Variants in TMC7 observed in about 807,000 individuals in gnomAD.
TMC7 encodes transmembrane channel-like protein 7.
A neutral mutation model predicts 82.9 loss-of-function variants in TMC7; 54 were observed. The ratio of observed to expected loss-of-function variants is 0.65; its 90% CI spans 0.52 to 0.82. The LOEUF is 0.82. TMC7 is among the 40% of genes least tolerant of loss of function. The pLI, the probability that TMC7 is intolerant of heterozygous loss-of-function variation, is 0.00. For synonymous variants in TMC7, 350 were observed against 337.9 expected (o/e 1.04, Z -0.39); for missense variants, 820 against 901.2 (o/e 0.91, Z 1.15).
Position 19,037,472 on chromosome 16 carries a change from C to CTTT in TMC7, c.1006-390_1006-388dup, listed in dbSNP as rs57300199. 7.3e-3 allele frequency among the ~76,000 whole-genome samples: 948 copies of CTTT among 130,252 alleles called. 11 individuals carry two copies. The highest frequency in any genetic ancestry group is 0.018 in the African/African-American group (642 of 36,044). The allele number at this position is 130,252 out of a possible 152,430, so 85.5% of individuals were successfully genotyped here. A position where few individuals can be genotyped will look rare whatever the true frequency, so the allele number is the denominator to read the frequency against. ...GGGGAGATGAATATTTAAAAGATGTCTTTTTTTTTTTTTTCTGAGATAGCA... is the reference window on the plus strand; with the variant it reads ...GGGGAGATGAATATTTAAAAGATGTCTTTTTTTTTTTTTTTTTCTGAGATAGCA... On this transcript the variant is annotated intron_variant, in intron 7 of 15. Transcript: ENST00000304381.
intron 4 of TMC7, 25 bp downstream of exon 4, chr16:19,021,821 C>A (rs146971073): frequency 4.4e-6 from 7 of 1,608,286 alleles, no homozygotes; most frequent in South Asian, 3.3e-5. Flanking sequence ...TGGTTTACTA[C>A]GAAGTGTGTT....
In TMC7 at chr16:19,009,312, A is replaced by G. The variant is rs151053735; in HGVS notation, c.208A>G (p.Thr70Ala). ...DKQSGTLLKPTDSYSSQLEDR... is the reference protein window; with the variant it reads ...DKQSGTLLKPADSYSSQLEDR... ...GCAAAGCGGAACTTTGCTAAAGCCA[A>G]CCGACTCTTACAGCTCCCAGCTGGA... Residue 70 changes from threonine (T) to alanine (A), a missense_variant, in exon 2 of 16, where the codon ACC becomes GCC. By Grantham distance (58) the Thr-to-Ala change is moderately conservative. Transcript: ENST00000304381. 2.8e-3 allele frequency: 4,522 copies of G among 1,614,208 alleles called. 6 individuals carry two copies. The highest frequency in any genetic ancestry group is 5.6e-3 in the Admixed American group (338 of 60,008).
intron 2 of TMC7, among the ~76,000 whole-genome samples, chr16:19,014,564 G>C (rs1202342272): frequency 2.0e-5 from 3 of 152,312 alleles, no homozygotes; most frequent in South Asian, 4.1e-4. Flanking sequence ...TGGATGGCTG[G>C]CAAATTCCTC....
intron 1 of TMC7, among the ~76,000 whole-genome samples, chr16:18,988,435 G>T (rs908021810): frequency 6.6e-6 from 1 of 151,612 alleles, no homozygotes; most frequent in Non-Finnish European, 1.5e-5. Context: ...GACTACAGGC[G>T]CATGCAACCA....
intron 1 of TMC7, among the ~76,000 whole-genome samples, chr16:19,001,118 T>G (rs969476073): frequency 6.6e-6 from 1 of 152,218 alleles, no homozygotes; most frequent in Non-Finnish European, 1.5e-5. Context: ...CTAAAATCTT[T>G]TACTCATTTT....
chr16:19,016,189 C>T (rs1400298777), intron 2 of TMC7, among the ~76,000 whole-genome samples: 2 of 151,990 alleles, frequency 1.3e-5, no homozygotes, highest in African/African-American at 2.4e-5. Context: ...CTCCGCCTCC[C>T]AGAGGTTCTT....
At chr16:19,054,376 C>T (rs1961672395) in intron 13 of TMC7, among the ~76,000 whole-genome samples, 1 of 152,080 alleles carries the variant, frequency 6.6e-6, no homozygotes, top group African/African-American at 2.4e-5. Context: ...ATGATCTTCC[C>T]CCCCAACCAC....
At chr16:19,044,575 G>A (rs964244290) in intron 9 of TMC7, among the ~76,000 whole-genome samples, 1 of 151,824 alleles carries the variant, frequency 6.6e-6, no homozygotes, top group Non-Finnish European at 1.5e-5. Flanking sequence ...CAAGACAGGC[G>A]GATTGCTTGG....
intron 9 of TMC7, among the ~76,000 whole-genome samples, chr16:19,043,959 C>T (rs1961141120): frequency 6.7e-6 from 1 of 149,718 alleles, no homozygotes; most frequent in Admixed American, 6.7e-5. Context: ...AACCTCTGTG[C>T]CCCAGATTCA....
intron 4 of TMC7, among the ~76,000 whole-genome samples, chr16:19,022,297 C>G (rs896112900): frequency 6.6e-6 from 1 of 152,170 alleles, no homozygotes; most frequent in African/African-American, 2.4e-5. Flanking sequence ...ATCACAAATA[C>G]ACAAACATAT....
chr16:19,062,010 A>G lies in TMC7; in HGVS notation c.*167A>G. On this transcript the variant is annotated 3_prime_UTR_variant, in exon 16 of 16. Transcript: ENST00000304381. ...CTGTGTTTACCTAACCCAGCCCTTA[A>G]TTAGGGCTTCAGTGACTTAGAAAAG... 1 of 460,592 alleles carries G rather than the reference A, an allele frequency of 2.2e-6. No individual in the cohort carries two copies. Among genetic ancestry groups the G allele is most frequent in the East Asian group, 3.4e-5 (1 of 29,180 alleles). 28.5% of individuals were successfully genotyped at this position (460,592 alleles called of 1,614,324 possible). A position where few individuals can be genotyped will look rare whatever the true frequency, so the allele number is the denominator to read the frequency against.
At chr16:19,002,687 C>T (rs917961512) in intron 1 of TMC7, among the ~76,000 whole-genome samples, 4 of 152,218 alleles carry the variant, frequency 2.6e-5, no homozygotes, top group African/African-American at 9.6e-5. Context: ...ATCCTCCTAC[C>T]TAAGTAATAA....
At chr16:19,051,535 A>C in intron 12 of TMC7, 151 bp from the exon 13 acceptor site, 1 of 856,590 alleles carries the variant, frequency 1.2e-6, no homozygotes. Flanking sequence ...AGTTTGGATG[A>C]AACCTTTTTC....
intron 9 of TMC7, among the ~76,000 whole-genome samples, chr16:19,041,859 C>T (rs981812297): frequency 2.0e-5 from 3 of 152,116 alleles, no homozygotes; most frequent in African/African-American, 7.2e-5. Context: ...TTATTATTTT[C>T]AGAGTTTCCC....
At chr16:18,999,610 G>C (rs1278806002) in intron 1 of TMC7, among the ~76,000 whole-genome samples, 1 of 152,230 alleles carries the variant, frequency 6.6e-6, no homozygotes, top group Non-Finnish European at 1.5e-5. Flanking sequence ...ATGTTTCTGA[G>C]TGACTGACTG....
intron 1 of TMC7, among the ~76,000 whole-genome samples, chr16:18,989,801 G>C (rs2038916194): frequency 6.6e-6 from 1 of 151,874 alleles, no homozygotes; most frequent in Non-Finnish European, 1.5e-5. Context: ...TGGTCCAGAG[G>C]CCTCTCGGGG....
intron 1 of TMC7, among the ~76,000 whole-genome samples, chr16:19,005,043 G>A (rs1304652430): frequency 6.7e-6 from 1 of 150,338 alleles, no homozygotes; most frequent in Admixed American, 6.7e-5. Context: ...GACGATGCAT[G>A]TTAAATACTT....
chr16:18,983,957 G>C lies in TMC7; in HGVS notation c.-107G>C, dbSNP rs1395680730. On this transcript the variant is annotated 5_prime_UTR_variant, in exon 1 of 16. Coordinates refer to ENST00000304381, the MANE Select transcript of TMC7 (RefSeq NM_024847.4). ...CCACTCCGGCTTCTGTGATGTCAGC[G>C]CCGGAACCTGGAATCCCGGCTCCGC... The C allele has an allele frequency of 1.4e-5, 17 of 1,225,634 alleles. No individual in the cohort carries two copies. The highest frequency in any genetic ancestry group is 1.8e-5 in the Non-Finnish European group (17 of 950,862). 75.9% of individuals were successfully genotyped at this position (1,225,634 alleles called of 1,614,324 possible). A position where few individuals can be genotyped will look rare whatever the true frequency, so the allele number is the denominator to read the frequency against.
At position 19,003,405 on chromosome 16, in the gene TMC7, TG is replaced by T. The variant is rs1380356722; in HGVS notation, c.68-5759del. 5.7e-3 allele frequency among the ~76,000 whole-genome samples: 790 copies of T among 138,140 alleles called. 10 individuals are homozygous for T. The highest frequency in any genetic ancestry group is 0.02 in the African/African-American group (721 of 35,304). 90.6% of individuals were successfully genotyped at this position (138,140 alleles called of 152,430 possible). A position where few individuals can be genotyped will look rare whatever the true frequency, so the allele number is the denominator to read the frequency against. On this transcript the variant is annotated intron_variant, in intron 1 of 15. Coordinates refer to ENST00000304381, the MANE Select transcript of TMC7 (RefSeq NM_024847.4). ...CCAGCCGCCCCGTCCGGGAGGGAGG[TG>T]GGGGGGGTCAGCCCCCCTGCCCGGC...
Sources: allele counts gnomAD v4.1 joint callset (sites outside exome capture counted in the v4.1 genomes callset), GRCh38; gene constraint gnomAD v4.1.1; transcripts MANE v1.5; gene names NCBI Gene and HGNC (gene_info 2026-07-23, HGNC 2026-07-21).